Variants in TRDN observed in about 807,000 individuals in gnomAD.
TRDN encodes triadin in skeletal muscle.
A neutral mutation model predicts 149.7 loss-of-function variants in TRDN; 161 were observed. The observed-to-expected ratio is 1.08, with a 90% CI of 0.95 to 1.23. TRDN has a LOEUF of 1.23. Ranked by LOEUF, TRDN falls within the 50% of genes most tolerant of loss-of-function variation. TRDN has a pLI of 0.00. For missense variants in TRDN, 896 were observed against 823.5 expected (o/e 1.09, Z -1.08); for synonymous variants, 294 against 250.5 (o/e 1.17, Z -1.64).
intron 2 of TRDN, among the ~76,000 whole-genome samples, chr6:123,557,443 C>T (rs550021673): frequency 6.6e-6 from 1 of 152,248 alleles, no homozygotes; most frequent in African/African-American, 2.4e-5. Flanking sequence ...CTTCTCCAAC[C>T]TCTCTCACTA....
chr6:123,553,297 C>T (rs1443909130), intron 2 of TRDN, among the ~76,000 whole-genome samples: 4 of 152,078 alleles, frequency 2.6e-5, no homozygotes, highest in African/African-American at 7.2e-5. Context: ...GACTGCATAG[C>T]GCTCAAACCC....
intron 24 of TRDN, among the ~76,000 whole-genome samples, chr6:123,312,619 A>G (rs947886596): frequency 2.1e-4 from 32 of 151,948 alleles, no homozygotes; most frequent in African/African-American, 7.5e-4. Context: ...TGGATTTTCA[A>G]CTGCATGGGG....
chr6:123,585,020 A>C lies in TRDN; in HGVS notation c.23-13888T>G, dbSNP rs536682886. Among the ~76,000 whole-genome samples the C allele has an allele frequency of 7.9e-5, 12 of 151,932 alleles. No individual in the cohort carries two copies. In the East Asian group the frequency reaches 1.9e-3, roughly 25 times the overall value. On this transcript the variant is annotated intron_variant, in intron 1 of 40. Coordinates refer to ENST00000334268, the MANE Select transcript of TRDN (RefSeq NM_006073.4). The stretch of plus-strand genomic sequence containing the variant: ...TAACAGGCTTTAATCCTTTCAAAGC[A>C]TGCTGTGGGATGGGATATTGGCATT...
intron 33 of TRDN, among the ~76,000 whole-genome samples, chr6:123,261,659 A>T (rs936517124): frequency 1.1e-4 from 16 of 151,826 alleles, no homozygotes; most frequent in African/African-American, 3.9e-4. Flanking sequence ...AACTATTTTG[A>T]GTAGCTATTT....
At chr6:123,256,787 T>C (rs1562233020) in intron 35 of TRDN, among the ~76,000 whole-genome samples, 1 of 152,030 alleles carries the variant, frequency 6.6e-6, no homozygotes, top group Non-Finnish European at 1.5e-5. Flanking sequence ...ACTCTGATGA[T>C]AGTTCCTTTT....
At chr6:123,623,693 A>C (rs1292195244) in intron 1 of TRDN, among the ~76,000 whole-genome samples, 1 of 152,120 alleles carries the variant, frequency 6.6e-6, no homozygotes, top group African/African-American at 2.4e-5. Context: ...TTAAAAACTT[A>C]ATTCTTTGCT....
At chr6:123,317,490 C>A (rs1042734451) in intron 23 of TRDN, among the ~76,000 whole-genome samples, 11 of 151,844 alleles carry the variant, frequency 7.2e-5, no homozygotes, top group Admixed American at 1.3e-4. Context: ...TAAAGAATGT[C>A]ATAGACTTTT....
chr6:123,318,768 C>CT (rs1779132290), intron 23 of TRDN, among the ~76,000 whole-genome samples: 1 of 151,994 alleles, frequency 6.6e-6, no homozygotes. Flanking sequence ...GTCAAACGAT[C>CT]TTTTGGAAAA....
In TRDN at chr6:123,218,760, A is replaced by T. The variant is rs909780137; in HGVS notation, c.2051-20T>A. On this transcript the variant is annotated intron_variant, in intron 40 of 40. Coordinates refer to ENST00000334268, the MANE Select transcript of TRDN (RefSeq NM_006073.4). Reference sequence around the variant, plus strand: ...TGGGACCTAAGGAACAGAGCATGACAGTTTGTTAAAACATGCAGAACATGA... The same window carrying T: ...TGGGACCTAAGGAACAGAGCATGACTGTTTGTTAAAACATGCAGAACATGA... 7 of 1,549,940 alleles carry T rather than the reference A, an allele frequency of 4.5e-6. No homozygotes were observed. The highest frequency in any genetic ancestry group is 6.1e-6 in the Non-Finnish European group (7 of 1,145,228).
Position 123,262,205 on chromosome 6 carries a change from C to A in TRDN, c.1805-1567G>T, listed in dbSNP as rs141904625. Among the ~76,000 whole-genome samples, 347 of 152,006 alleles carry A rather than the reference C, an allele frequency of 2.3e-3. 2 individuals carry two copies. The highest frequency in any genetic ancestry group is 5.7e-3 in the Admixed American group (87 of 15,214). On this transcript the variant is annotated intron_variant, in intron 33 of 40. Transcript: ENST00000334268. ...TTTAAAAAAATTAGAAAATAAAAAGCTAATGTGTTAAAATTAAATAAATTG... is the reference window on the plus strand; with the variant it reads ...TTTAAAAAAATTAGAAAATAAAAAGATAATGTGTTAAAATTAAATAAATTG...
intron 1 of TRDN, among the ~76,000 whole-genome samples, chr6:123,596,038 G>A (rs1342833571): frequency 6.6e-6 from 1 of 152,094 alleles, no homozygotes; most frequent in Non-Finnish European, 1.5e-5. Context: ...TCAAAGCTGA[G>A]CTAGGCCAAA....
chr6:123,256,228 G>C (rs1392693566), intron 35 of TRDN, among the ~76,000 whole-genome samples: 1 of 152,062 alleles, frequency 6.6e-6, no homozygotes, highest in African/African-American at 2.4e-5. Flanking sequence ...CTGAGACGAT[G>C]GTTTCCGGCT....
At chr6:123,268,029 A>G (rs1183305785) in intron 31 of TRDN, among the ~76,000 whole-genome samples, 1 of 152,126 alleles carries the variant, frequency 6.6e-6, no homozygotes, top group African/African-American at 2.4e-5. Context: ...AGAGGATAGA[A>G]TATGGCAAAA....
chr6:123,634,436 G>A (rs1786185014), intron 1 of TRDN, among the ~76,000 whole-genome samples: 1 of 151,368 alleles, frequency 6.6e-6, no homozygotes, highest in Non-Finnish European at 1.5e-5. Context: ...GAAAAATTCT[G>A]CTCTAAAAAA....
intron 1 of TRDN, among the ~76,000 whole-genome samples, chr6:123,581,131 G>T (rs571968010): frequency 6.6e-6 from 1 of 152,244 alleles, no homozygotes; most frequent in South Asian, 2.1e-4. Context: ...GAAGCCCATT[G>T]CATTTTACTA....
intron 1 of TRDN, among the ~76,000 whole-genome samples, chr6:123,615,537 T>TACAC (rs59953395): frequency 5.4e-5 from 8 of 149,104 alleles, no homozygotes; most frequent in African/African-American, 9.8e-5. Context: ...AACATGTATA[T>TACAC]ACACACACAC....
chr6:123,337,536 G>T, intron 22 of TRDN, 83 bp downstream of exon 22: 2 of 552,982 alleles, frequency 3.6e-6, no homozygotes, highest in Non-Finnish European at 5.6e-6. Flanking sequence ...TATTTGCAAA[G>T]GGGATGCAGC....
chr6:123,269,247 A>G (rs1304731709), intron 31 of TRDN, among the ~76,000 whole-genome samples: 1 of 152,044 alleles, frequency 6.6e-6, no homozygotes, highest in Non-Finnish European at 1.5e-5. Flanking sequence ...ACACCTGTAC[A>G]GTGAAATGAA....
At chr6:123,574,183 A>T (rs193100174) in intron 1 of TRDN, among the ~76,000 whole-genome samples, 34 of 152,130 alleles carry the variant, frequency 2.2e-4, no homozygotes, top group African/African-American at 8.2e-4. Flanking sequence ...GAGCAAAATA[A>T]TTTAATTAAG....
Sources: allele counts gnomAD v4.1 joint callset (sites outside exome capture counted in the v4.1 genomes callset), GRCh38; gene constraint gnomAD v4.1.1; transcripts MANE v1.5; gene names NCBI Gene and HGNC (gene_info 2026-07-23, HGNC 2026-07-21).